ARHGEF28: variants seen among roughly 807,000 people sequenced by gnomAD.
ARHGEF28 encodes 190 kDa guanine nucleotide exchange factor.
ARHGEF28 carries 152 observed loss-of-function variants against 206.6 expected under a neutral mutation model. The ratio of observed to expected loss-of-function variants is 0.74; its 90% CI spans 0.64 to 0.84. ARHGEF28 has a LOEUF of 0.84. Among genes scored for constraint, ARHGEF28 ranks in the 40% least tolerant of loss-of-function variants. The pLI is 0.00. For synonymous variants in ARHGEF28, 763 were observed against 776.4 expected, an observed-to-expected ratio of 0.98 and a Z score of 0.29; for missense variants, 2,028 against 2,073.2, an observed-to-expected ratio of 0.98 and a Z score of 0.42.
At chr5:73,921,710 A>C (rs1187855991) in intron 35 of ARHGEF28, among the ~76,000 whole-genome samples, 1 of 152,162 alleles carries the variant, frequency 6.6e-6, no homozygotes, top group Non-Finnish European at 1.5e-5. Context: ...TAACATGGTG[A>C]ATGTTTGTAT....
Position 73,849,273 on chromosome 5 carries a change from A to G in ARHGEF28, c.1747+186A>G, listed in dbSNP as rs778037148. On this transcript the variant is annotated intron_variant, in intron 13 of 35. Transcript: ENST00000513042. ...ATAACAGCCAAATTTGATTTTGATCAGATTTGATTTTGATGAAATTACAAA... is the reference window on the plus strand; with the variant it reads ...ATAACAGCCAAATTTGATTTTGATCGGATTTGATTTTGATGAAATTACAAA... 5.6e-6 allele frequency: 3 copies of G among 535,192 alleles called. No individual in the cohort carries two copies. In the Admixed American group the frequency reaches 1.1e-4, roughly 20 times the overall value. The allele number at this position is 535,192 out of a possible 1,614,324, so 33.2% of individuals were successfully genotyped here.
intron 4 of ARHGEF28, among the ~76,000 whole-genome samples, chr5:73,761,011 T>A (rs1306062638): frequency 1.3e-5 from 2 of 152,176 alleles, no homozygotes; most frequent in Admixed American, 6.5e-5. Flanking sequence ...TTCCGGTCAC[T>A]CTCTCTCCCT....
intron 22 of ARHGEF28, among the ~76,000 whole-genome samples, chr5:73,877,164 C>T (rs1384264862): frequency 2.0e-4 from 29 of 148,096 alleles, no homozygotes; most frequent in Admixed American, 6.8e-4. Context: ...GTGTATGTGT[C>T]GAGGAATTTA....
At chr5:73,764,182 C>G (rs1311799763) in intron 4 of ARHGEF28, among the ~76,000 whole-genome samples, 1 of 152,200 alleles carries the variant, frequency 6.6e-6, no homozygotes, top group Admixed American at 6.5e-5. Context: ...AATTAAATGG[C>G]TTTCCATTTC....
intron 1 of ARHGEF28, among the ~76,000 whole-genome samples, chr5:73,642,743 G>T (rs935074205): frequency 6.6e-6 from 1 of 152,076 alleles, no homozygotes; most frequent in African/African-American, 2.4e-5. Context: ...AGACAGTAAG[G>T]GGTGTATTAT....
In ARHGEF28 at chr5:73,909,422, C is replaced by A. The variant is rs61756686; in HGVS notation, c.4172C>A (p.Thr1391Asn). The A allele has an allele frequency of 5.7e-4, 912 of 1,600,582 alleles. 5 individuals carry two copies. Among genetic ancestry groups the A allele is most frequent in the South Asian group, 2.9e-4 (26 of 90,326 alleles). The change falls in exon 34 of 36, where the codon ACC becomes AAC. Residue 1391 changes from threonine (T) to asparagine (N), a missense_variant. Physicochemically the swap from Thr to Asn is moderately conservative, Grantham distance 65. Coordinates refer to ENST00000513042, the MANE Select transcript of ARHGEF28 (RefSeq NM_001177693.2). ...TGTCTGCTCTGACAGGCCGCCTTGA[C>A]CATTCAGGACAGCCACATTGAGATC... is the stretch of plus-strand genomic sequence containing the variant. ...RLLYSLQAAL[T>N]IQDSHIEIHR...
chr5:73,904,312 A>G, intron 32 of ARHGEF28, 46 bp from the exon 33 acceptor site: 1 of 1,612,990 alleles, frequency 6.2e-7, no homozygotes, highest in Non-Finnish European at 8.5e-7. Context: ...TTTGTGGATA[A>G]TGAAAGCTTT....
At chr5:73,644,416 A>G (rs1159377569) in intron 1 of ARHGEF28, among the ~76,000 whole-genome samples, 1 of 152,148 alleles carries the variant, frequency 6.6e-6, no homozygotes, top group Non-Finnish European at 1.5e-5. Context: ...ACCTGTTTGC[A>G]TCCACCTCTG....
At chr5:73,652,439 G>A (rs1744891394) in intron 1 of ARHGEF28, among the ~76,000 whole-genome samples, 2 of 152,204 alleles carry the variant, frequency 1.3e-5, no homozygotes, top group Admixed American at 1.3e-4. Context: ...AAAGGAGCAG[G>A]AGTGGGAATG....
intron 9 of ARHGEF28, among the ~76,000 whole-genome samples, chr5:73,806,926 C>T (rs1755539773): frequency 6.9e-6 from 1 of 145,428 alleles, no homozygotes. Flanking sequence ...AATCTATATA[C>T]AATATATAAA....
intron 11 of ARHGEF28, among the ~76,000 whole-genome samples, chr5:73,843,267 A>G (rs1758103058): frequency 6.6e-6 from 1 of 152,174 alleles, no homozygotes; most frequent in Non-Finnish European, 1.5e-5. Context: ...GGTAATTAGA[A>G]GCTTCTGTGA....
In ARHGEF28 at chr5:73,776,680, G is replaced by C. The variant is rs1580603578; in HGVS notation, c.824G>C (p.Arg275Thr). 3 of 1,613,068 alleles carry C rather than the reference G, an allele frequency of 1.9e-6. No homozygotes were observed. The highest frequency in any genetic ancestry group is 2.5e-6 in the Non-Finnish European group (3 of 1,179,354). The change falls in exon 6 of 36, where the codon AGA (arginine) becomes ACA (threonine). Residue 275 changes from arginine to threonine, a missense_variant. Transcript: ENST00000513042. The part of the protein sequence containing the change: ...IKLFRKYFWD[R>T]AFLVKAFEPE... ...CTCTTCCGGAAATACTTTTGGGATA[G>C]AGCCTTTCTTGTCAAGGTTTGTACA... is the stretch of plus-strand genomic sequence containing the variant.
chr5:73,934,918 A>C (rs1171132027), intron 35 of ARHGEF28, among the ~76,000 whole-genome samples: 1 of 152,194 alleles, frequency 6.6e-6, no homozygotes, highest in Non-Finnish European at 1.5e-5. Flanking sequence ...GAAATGTAGA[A>C]TTGTTTGCCC....
At chr5:73,699,015 G>A (rs1748405397) in intron 2 of ARHGEF28, among the ~76,000 whole-genome samples, 1 of 152,068 alleles carries the variant, frequency 6.6e-6, no homozygotes, top group Admixed American at 6.5e-5. Context: ...TTATATGATG[G>A]TCCTTGTGTT....
chr5:73,909,784 C>A lies in ARHGEF28; in HGVS notation c.4534C>A (p.Arg1512Ser). 1 of 1,516,738 alleles carries A rather than the reference C, an allele frequency of 6.6e-7. No individual in the cohort carries two copies. Among genetic ancestry groups the A allele is most frequent in the South Asian group, 1.3e-5 (1 of 79,336 alleles). 94.0% of individuals were successfully genotyped at this position (1,516,738 alleles called of 1,614,324 possible). A position where few individuals can be genotyped will look rare whatever the true frequency, so the allele number is the denominator to read the frequency against. ...CCTGGAGCGGCTGAGGGAGGGCCAGCGCCTGGTGGAGAGGGAGCAGGCGAG... is the reference window on the plus strand; with the variant it reads ...CCTGGAGCGGCTGAGGGAGGGCCAGAGCCTGGTGGAGAGGGAGCAGGCGAG... ...HSLERLREGQ[R>S]LVEREQARMR... is the part of the protein sequence containing the mutation. The change falls in exon 34 of 36, where the codon CGC (arginine) becomes AGC (serine). Residue 1512 changes from arginine to serine, a missense_variant. Arg to Ser is a moderately radical substitution (Grantham distance 110). Around this residue, in one of 3 missense-constraint regions of ARHGEF28, gnomAD observed 803 missense variants for 768.0 expected, o/e 1.05. Transcript: ENST00000513042.
At position 73,840,744 on chromosome 5, in the gene ARHGEF28, C is replaced by G; in HGVS notation, c.1411C>G (p.His471Asp). The change falls in exon 11 of 36, where the codon CAT (histidine) becomes GAT (aspartate). Residue 471 changes from histidine to aspartate, a missense_variant. By Grantham distance (81) the His-to-Asp change is moderately conservative. This residue lies in a region of ARHGEF28 where 1,002 missense variants were observed against 1,015.3 expected (regional missense o/e 0.99). Transcript: ENST00000513042. ...GCATGGATTTGAAAAGGAACAAAGT[C>G]ATCTAAAGAAAAGAAGGTAAGAGTC... is the stretch of plus-strand genomic sequence containing the variant. ...GWHGFEKEQS[H>D]LKKRSSSLDA... 1 of 1,608,940 alleles carries G rather than the reference C, an allele frequency of 6.2e-7. No homozygotes were observed. Among genetic ancestry groups the G allele is most frequent in the Non-Finnish European group, 8.5e-7 (1 of 1,177,250 alleles).
At chr5:73,698,818 A>G (rs1314397789) in intron 2 of ARHGEF28, among the ~76,000 whole-genome samples, 1 of 151,950 alleles carries the variant, frequency 6.6e-6, no homozygotes, top group Non-Finnish European at 1.5e-5. Flanking sequence ...GCCGGGTCAC[A>G]GGCAGGTGAA....
intron 31 of ARHGEF28, chr5:73,902,618 G>C (rs1580074516): frequency 6.6e-6 from 1 of 152,314 alleles, no homozygotes; most frequent in East Asian, 1.9e-4. Flanking sequence ...TGGATATTTT[G>C]TCATTAGCTT....
intron 1 of ARHGEF28, among the ~76,000 whole-genome samples, chr5:73,665,160 C>T (rs1351755269): frequency 1.3e-5 from 2 of 152,160 alleles, no homozygotes; most frequent in Non-Finnish European, 2.9e-5. Flanking sequence ...CTAGTCCATC[C>T]TTCACCTTCT....
Sources: gnomAD v4.1 joint callset for allele counts (sites outside exome capture counted in the v4.1 genomes callset) on GRCh38, gnomAD v4.1.1 for gene constraint, gnomAD v4.1.1 regional missense constraint, MANE v1.5 for transcripts, NCBI Gene and HGNC (gene_info 2026-07-23, HGNC 2026-07-21) for gene names.